The following TEX9 variants were observed in gnomAD, a reference collection of about 807,000 sequenced individuals.
The protein encoded by TEX9 is testis-expressed protein 9.
Under a neutral mutation model 59.6 loss-of-function variants are expected in TEX9, and 74 were observed. The observed-to-expected ratio is 1.24, with a 90% CI of 1.03 to 1.51. The LOEUF (loss-of-function observed/expected upper bound fraction) is 1.51, where lower values mean the gene tolerates loss of function less well. Among genes scored for constraint, TEX9 ranks in the 40% most tolerant of loss-of-function variants. The pLI, the probability that TEX9 is intolerant of heterozygous loss-of-function variation, is 0.00. For synonymous variants in TEX9, 186 were observed against 152.2 expected, an observed-to-expected ratio of 1.22 and a Z score of -1.64; for missense variants, 522 against 447.8, an observed-to-expected ratio of 1.17 and a Z score of -1.49.
chr15:56,273,832 C>T (rs1297757888), intron 1 of TEX9, among the ~76,000 whole-genome samples: 1 of 152,102 alleles, frequency 6.6e-6, no homozygotes. Context: ...TGTAAAATGT[C>T]TTTTTACGTC....
chr15:56,287,357 G>A (rs2044978407), intron 1 of TEX9, among the ~76,000 whole-genome samples: 1 of 151,718 alleles, frequency 6.6e-6, no homozygotes, highest in Non-Finnish European at 1.5e-5. Flanking sequence ...AAGACTCCTG[G>A]GTGAAAAGCA....
intron 9 of TEX9, chr15:56,409,896 C>G (rs947392215): frequency 6.6e-6 from 1 of 152,126 alleles, no homozygotes; most frequent in Non-Finnish European, 1.5e-5. Context: ...TTGTTCTGTC[C>G]CTTTACCCTT....
At chr15:56,271,146 G>T (rs553857298) in intron 1 of TEX9, among the ~76,000 whole-genome samples, 1 of 152,036 alleles carries the variant, frequency 6.6e-6, no homozygotes, top group African/African-American at 2.4e-5. Context: ...TATCTTTGTG[G>T]TGGTCTCTGT....
intron 1 of TEX9, among the ~76,000 whole-genome samples, chr15:56,261,651 A>C (rs1438178262): frequency 2.6e-5 from 4 of 152,182 alleles, no homozygotes. Flanking sequence ...TGGGAAGGGG[A>C]GGTTGCAGTG....
chr15:56,262,331 C>T lies in TEX9; in HGVS notation c.-107+18053C>T, dbSNP rs577520559. Among the ~76,000 whole-genome samples the T allele has an allele frequency of 6.6e-5, 10 of 152,236 alleles. No individual in the cohort carries two copies. The South Asian group carries it at 1.9e-3, about 28-fold the overall frequency. On this transcript the variant is annotated intron_variant, in intron 1 of 5. Coordinates refer to the TEX9 transcript ENST00000560827. ...CTACACCACATAAATTTTGATGAGT[C>T]GCATTTTCATTTTCATTATCTTGAG...
At chr15:56,396,392 C>G (rs1000987274) in intron 9 of TEX9, 2 of 152,004 alleles carry the variant, frequency 1.3e-5, no homozygotes, top group Non-Finnish European at 2.9e-5. Flanking sequence ...ATAACTATCA[C>G]TATAATTGAG....
At chr15:56,428,924 G>A (rs2050461355) in intron 12 of TEX9, 1 of 537,888 alleles carries the variant, frequency 1.9e-6, no homozygotes, top group Admixed American at 3.8e-5. Context: ...AAAAATAACA[G>A]CTTGATTAAA....
Position 56,358,363 on chromosome 15 carries a change from G to T in TEX9, c.-106-15078G>T, listed in dbSNP as rs184752122. On this transcript the variant is annotated intron_variant, in intron 1 of 5. Transcript: ENST00000560827. The stretch of plus-strand genomic sequence containing the variant: ...AGTTTTTTTTTTTTTTCCAGAATCT[G>T]GTCGTTGTGCAGTGGAAGGGTGTCC... Among the ~76,000 whole-genome samples the T allele has an allele frequency of 2.8e-3, 410 of 147,864 alleles. 5 individuals are homozygous for T. The highest frequency in any genetic ancestry group is 9.9e-3 in the African/African-American group (401 of 40,380).
At chr15:56,453,672 G>A in the TEX9 span, among the ~76,000 whole-genome samples, 3 of 152,150 alleles carry the variant, frequency 2.0e-5, no homozygotes, top group African/African-American at 7.2e-5. Flanking sequence ...ATTGTTTAGT[G>A]CCATAATTTA....
At chr15:56,288,795 A>G (rs1281654242) in intron 1 of TEX9, among the ~76,000 whole-genome samples, 15 of 150,826 alleles carry the variant, frequency 9.9e-5, no homozygotes. Context: ...AGATTTGGAA[A>G]GCTTTCTGTT....
chr15:56,295,925 G>A (rs945428979), intron 1 of TEX9, among the ~76,000 whole-genome samples: 2 of 152,118 alleles, frequency 1.3e-5, no homozygotes, highest in South Asian at 2.1e-4. Flanking sequence ...GCTTTGTTAC[G>A]CTTCTGCTCC....
intron 1 of TEX9, among the ~76,000 whole-genome samples, chr15:56,286,525 C>T (rs2044957129): frequency 6.6e-6 from 1 of 152,158 alleles, no homozygotes; most frequent in South Asian, 2.1e-4. Context: ...AGGCACTAAA[C>T]TGGCATAAAA....
intron 1 of TEX9, among the ~76,000 whole-genome samples, chr15:56,338,250 T>C (rs1329292306): frequency 6.6e-6 from 1 of 152,252 alleles, no homozygotes; most frequent in Non-Finnish European, 1.5e-5. Context: ...GAAAAGCTAA[T>C]CTACTTTTGC....
intron 12 of TEX9, among the ~76,000 whole-genome samples, chr15:56,439,612 T>C (rs2050784850): frequency 1.3e-5 from 2 of 151,850 alleles, no homozygotes; most frequent in Admixed American, 6.6e-5. Flanking sequence ...CAATTCAATG[T>C]TGGAGAAACA....
intron 1 of TEX9, among the ~76,000 whole-genome samples, chr15:56,275,254 A>G (rs974726324): frequency 6.6e-6 from 1 of 152,144 alleles, no homozygotes; most frequent in Admixed American, 6.5e-5. Flanking sequence ...ATGGTTTGCT[A>G]TCCACCCCTC....
chr15:56,311,987 G>A (rs1226082278), intron 1 of TEX9, among the ~76,000 whole-genome samples: 1 of 150,488 alleles, frequency 6.6e-6, no homozygotes, highest in Non-Finnish European at 1.5e-5. Flanking sequence ...TTTTTGATGG[G>A]GTTGTTTGTT....
At chr15:56,365,938 A>G (rs1317234389) in intron 2 of TEX9, 71 of 1,265,602 alleles carry the variant, frequency 5.6e-5, no homozygotes, top group Non-Finnish European at 6.9e-5. Context: ...GTAAACAGCA[A>G]GATACTGTTG....
At chr15:56,417,328 G>A (rs2049743909) in intron 10 of TEX9, among the ~76,000 whole-genome samples, 1 of 151,676 alleles carries the variant, frequency 6.6e-6, no homozygotes, top group Non-Finnish European at 1.5e-5. Flanking sequence ...TTTTGATGTG[G>A]GCGTTTAGTG....
intron 3 of TEX9, among the ~76,000 whole-genome samples, chr15:56,374,958 A>C (rs1211320893): frequency 1.3e-5 from 2 of 152,172 alleles, no homozygotes; most frequent in African/African-American, 2.4e-5. Flanking sequence ...GTTAGTGGAC[A>C]CTTTGGTTGC....
Sources: gnomAD v4.1 joint callset for allele counts (sites outside exome capture counted in the v4.1 genomes callset) on GRCh38, gnomAD v4.1.1 for gene constraint, MANE v1.5 for transcripts, NCBI Gene and HGNC (gene_info 2026-07-23, HGNC 2026-07-21) for gene names.